ELL2: variants seen among roughly 807,000 people sequenced by gnomAD.
The protein encoded by ELL2 is elongation factor for RNA polymerase II 2.
ELL2 carries 21 observed loss-of-function variants against 72.8 expected under a neutral mutation model. The observed-to-expected ratio is 0.29, with a 90% CI of 0.20 to 0.42. The LOEUF (loss-of-function observed/expected upper bound fraction) is 0.42, where lower values mean the gene tolerates loss of function less well. Ranked by LOEUF, ELL2 falls within the 10% of genes least tolerant of loss-of-function variation. ELL2 has a pLI of 1.00. For missense variants in ELL2, 568 were observed against 772.8 expected (o/e 0.73, Z 3.14); for synonymous variants, 266 against 283.2 (o/e 0.94, Z 0.61).
At chr5:95,911,073 G>A (rs984229680) in intron 4 of ELL2, among the ~76,000 whole-genome samples, 3 of 152,178 alleles carry the variant, frequency 2.0e-5, no homozygotes, top group Non-Finnish European at 4.4e-5. Flanking sequence ...AATAAGTGCT[G>A]GGTTTTGTTA....
rs560418641 is a variant in ELL2 at position 95,891,096 on chromosome 5, C to T, written c.1761+7G>A. On this transcript the variant is annotated splice_region_variant and intron_variant, in intron 10 of 11. Coordinates refer to ENST00000237853, the MANE Select transcript of ELL2 (RefSeq NM_012081.6). ...AAGTCAGCCCATCTAGTTACAAATC[C>T]ATTTACCTGATACTCTTTTGAGCCT... 26 of 1,614,088 alleles carry T rather than the reference C, an allele frequency of 1.6e-5. No homozygotes were observed. In the East Asian group the frequency reaches 4.9e-4, roughly 30 times the overall value.
intron 2 of ELL2, among the ~76,000 whole-genome samples, chr5:95,938,623 G>A (rs1750861658): frequency 6.6e-6 from 1 of 152,146 alleles, no homozygotes; most frequent in South Asian, 2.1e-4. Flanking sequence ...TTGGGAGGCT[G>A]AGGAGGGAGG....
chr5:95,927,760 G>T (rs1284953946), intron 2 of ELL2, among the ~76,000 whole-genome samples: 13 of 83,778 alleles, frequency 1.6e-4, no homozygotes, highest in Non-Finnish European at 2.1e-4. Context: ...TGTGTATATA[G>T]ACATACACAC....
chr5:95,957,027 G>A (rs1240239368), intron 1 of ELL2, among the ~76,000 whole-genome samples: 1 of 152,186 alleles, frequency 6.6e-6, no homozygotes, highest in East Asian at 1.9e-4. Context: ...GATAGAGCAG[G>A]AGTAGCCCCT....
At chr5:95,944,306 T>C (rs767827243) in intron 1 of ELL2, among the ~76,000 whole-genome samples, 3 of 152,172 alleles carry the variant, frequency 2.0e-5, no homozygotes, top group Non-Finnish European at 4.4e-5. Context: ...TAAACAAATA[T>C]CTTCTTGGAG....
At chr5:95,916,793 G>A (rs1468303396) in intron 3 of ELL2, among the ~76,000 whole-genome samples, 2 of 151,696 alleles carry the variant, frequency 1.3e-5, no homozygotes, top group Non-Finnish European at 2.9e-5. Context: ...GAGAGGGGAA[G>A]GTAATCCTCA....
chr5:95,892,843 A>G (rs903651027), intron 9 of ELL2, among the ~76,000 whole-genome samples: 4 of 152,172 alleles, frequency 2.6e-5, no homozygotes, highest in African/African-American at 9.7e-5. Flanking sequence ...TTCTAAGTAT[A>G]ATTGAGACAG....
intron 7 of ELL2, chr5:95,900,121 G>A (rs944655513): frequency 2.0e-5 from 3 of 152,058 alleles, no homozygotes; most frequent in Non-Finnish European, 4.4e-5. Flanking sequence ...AATCAGGCAG[G>A]CTTCACTCTA....
At chr5:95,961,473 A>G in intron 1 of ELL2, 102 bp downstream of exon 1, 1 of 1,312,530 alleles carries the variant, frequency 7.6e-7, no homozygotes, top group Non-Finnish European at 9.8e-7. Context: ...TGACGGTAGC[A>G]GCTGCCAGCC....
At chr5:95,892,734 G>A (rs1345103104) in intron 9 of ELL2, among the ~76,000 whole-genome samples, 7 of 152,204 alleles carry the variant, frequency 4.6e-5, no homozygotes, top group East Asian at 1.9e-4. Flanking sequence ...TATCACAGAC[G>A]CCTAGCAGAA....
chr5:95,914,835 A>AC (rs1459024661), intron 3 of ELL2, among the ~76,000 whole-genome samples: 1 of 152,092 alleles, frequency 6.6e-6, no homozygotes, highest in Non-Finnish European at 1.5e-5. Flanking sequence ...ACAGAATGAG[A>AC]CCCCATCTCA....
intron 5 of ELL2, among the ~76,000 whole-genome samples, chr5:95,904,321 A>T (rs1359444440): frequency 6.6e-6 from 1 of 152,246 alleles, no homozygotes; most frequent in East Asian, 1.9e-4. Flanking sequence ...AGCTTGAGCC[A>T]AATATCCAAA....
At chr5:95,948,028 T>C (rs1028696701) in intron 1 of ELL2, among the ~76,000 whole-genome samples, 1 of 152,196 alleles carries the variant, frequency 6.6e-6, no homozygotes, top group Admixed American at 6.5e-5. Flanking sequence ...GAAATTCTTT[T>C]AAGATATCTA....
At chr5:95,889,166 ACTT>A (rs1315256870) in intron 10 of ELL2, 36 bp from the exon 11 acceptor site, 3 of 1,514,482 alleles carry the variant, frequency 2.0e-6, no homozygotes, top group African/African-American at 1.4e-5. Context: ...GAAGAGAACA[ACTT>A]CTTTTGTGTG....
intron 3 of ELL2, among the ~76,000 whole-genome samples, chr5:95,916,612 C>G (rs1360182931): frequency 1.3e-5 from 2 of 152,074 alleles, no homozygotes; most frequent in Non-Finnish European, 2.9e-5. Context: ...TCACAGCTCC[C>G]TTGGGGAAGC....
intron 3 of ELL2, among the ~76,000 whole-genome samples, chr5:95,918,847 G>A (rs1359401068): frequency 6.6e-6 from 1 of 151,302 alleles, no homozygotes; most frequent in Non-Finnish European, 1.5e-5. Context: ...ACCCTAGGGT[G>A]TGGGTGTGTA....
rs764273254 is a variant in ELL2, at chr5:95,961,623, C to T, written c.99G>A (p.Lys33=). ...GQDNITVLHV[K]LTETAIRALE... is the part of the protein sequence containing the mutation. Reference sequence around the variant, plus strand: ...GCGCCCGGATCGCCGTCTCGGTGAGCTTCACATGCAGTACGGTGATGTTGT... The same window carrying T: ...GCGCCCGGATCGCCGTCTCGGTGAGTTTCACATGCAGTACGGTGATGTTGT... Residue 33 remains lysine (K), a synonymous_variant, in exon 1 of 12, where the codon AAG becomes AAA. Coordinates refer to ENST00000237853, the MANE Select transcript of ELL2 (RefSeq NM_012081.6). 8.7e-6 allele frequency: 14 copies of T among 1,608,586 alleles called. No homozygotes were observed. The East Asian group carries it at 3.2e-4, about 36-fold the overall frequency.
At chr5:95,912,298 G>T (rs1161274076) in intron 4 of ELL2, among the ~76,000 whole-genome samples, 1 of 152,152 alleles carries the variant, frequency 6.6e-6, no homozygotes, top group Non-Finnish European at 1.5e-5. Context: ...AATAAATCAA[G>T]GGGAGGGTTT....
chr5:95,958,417 G>A (rs982173029), intron 1 of ELL2, among the ~76,000 whole-genome samples: 2 of 152,314 alleles, frequency 1.3e-5, no homozygotes, highest in African/African-American at 4.8e-5. Context: ...TGAGTCAGGA[G>A]GAGGGGCACT....
Sources: gnomAD v4.1 joint callset for allele counts (sites outside exome capture counted in the v4.1 genomes callset) on GRCh38, gnomAD v4.1.1 for gene constraint, MANE v1.5 for transcripts, NCBI Gene and HGNC (gene_info 2026-07-23, HGNC 2026-07-21) for gene names.